The following DGKI variants were observed in gnomAD, a reference collection of about 807,000 sequenced individuals.
DGKI encodes the protein DAG kinase iota.
A neutral mutation model predicts 147.5 loss-of-function variants in DGKI; 55 were observed. The observed-to-expected ratio is 0.37, with a 90% CI of 0.30 to 0.47. DGKI has a LOEUF of 0.47. Ranked by LOEUF, DGKI falls within the 20% of genes least tolerant of loss-of-function variation. DGKI has a pLI of 1.00. For missense variants in DGKI, 1,007 were observed against 1,323.8 expected (o/e 0.76, Z 3.71); for synonymous variants, 469 against 477.1 (o/e 0.98, Z 0.22).
chr7:137,520,207 C>T (rs1268678578), intron 21 of DGKI, among the ~76,000 whole-genome samples: 2 of 151,920 alleles, frequency 1.3e-5, no homozygotes, highest in Non-Finnish European at 2.9e-5. Context: ...CAAATGTGTC[C>T]CCACTCCAAA....
At chr7:137,442,169 G>A (rs1041674425) in intron 28 of DGKI, among the ~76,000 whole-genome samples, 1 of 152,038 alleles carries the variant, frequency 6.6e-6, no homozygotes, top group Non-Finnish European at 1.5e-5. Flanking sequence ...GAAATTTTTT[G>A]AAGCCATGAA....
intron 23 of DGKI, among the ~76,000 whole-genome samples, chr7:137,476,163 TGACTC>T (rs150965910): frequency 0.019 from 2,927 of 152,250 alleles, 92 homozygotes; most frequent in African/African-American, 0.067. Context: ...AGGTAGCTCT[TGACTC>T]TGGCTCTCGT....
intron 20 of DGKI, among the ~76,000 whole-genome samples, chr7:137,539,926 C>T (rs1306897745): frequency 6.6e-6 from 1 of 152,144 alleles, no homozygotes; most frequent in Admixed American, 6.5e-5. Context: ...GCAGACCTCA[C>T]AGACATGAAA....
intron 1 of DGKI, among the ~76,000 whole-genome samples, chr7:137,751,679 A>G (rs1258547388): frequency 6.6e-6 from 1 of 152,226 alleles, no homozygotes; most frequent in Non-Finnish European, 1.5e-5. Context: ...CTGTATCGAA[A>G]GGCCAAATAC....
chr7:137,842,206 TC>T (rs1188065202), intron 1 of DGKI, among the ~76,000 whole-genome samples: 1 of 152,120 alleles, frequency 6.6e-6, no homozygotes, highest in East Asian at 1.9e-4. Flanking sequence ...GGAGAAAAGT[TC>T]CCCCATACAC....
intron 14 of DGKI, among the ~76,000 whole-genome samples, chr7:137,582,961 G>C (rs1002350325): frequency 6.6e-6 from 1 of 152,112 alleles, no homozygotes; most frequent in Admixed American, 6.6e-5. Flanking sequence ...TTCTCTGAGA[G>C]ATAAGTGTTT....
At chr7:137,631,762 T>C (rs1821129099) in intron 6 of DGKI, among the ~76,000 whole-genome samples, 1 of 151,578 alleles carries the variant, frequency 6.6e-6, no homozygotes, top group Admixed American at 6.6e-5. Flanking sequence ...TTAAGTAAAG[T>C]AAAAATGCCT....
At chr7:137,405,998 G>A (rs1811932868) in intron 30 of DGKI, among the ~76,000 whole-genome samples, 2 of 152,158 alleles carry the variant, frequency 1.3e-5, no homozygotes, top group Non-Finnish European at 2.9e-5. Context: ...ATGGGTGGGG[G>A]GGTGTGGAGA....
intron 2 of DGKI, among the ~76,000 whole-genome samples, chr7:137,689,163 C>A (rs1563151402): frequency 6.6e-6 from 1 of 152,190 alleles, no homozygotes; most frequent in Non-Finnish European, 1.5e-5. Flanking sequence ...CAAGGTTCAT[C>A]ATCAGGGAAG....
chr7:137,736,083 T>C (rs1384743962), intron 1 of DGKI, among the ~76,000 whole-genome samples: 1 of 152,006 alleles, frequency 6.6e-6, no homozygotes. Context: ...GTAAACACAG[T>C]GTTTAATTTT....
chr7:137,513,612 A>G (rs1326455562), intron 21 of DGKI, among the ~76,000 whole-genome samples: 1 of 152,200 alleles, frequency 6.6e-6, no homozygotes, highest in Admixed American at 6.5e-5. Context: ...TTGTGTGAAC[A>G]TCATAGAGTG....
intron 23 of DGKI, among the ~76,000 whole-genome samples, chr7:137,472,933 A>C (rs967810840): frequency 6.6e-6 from 1 of 152,160 alleles, no homozygotes; most frequent in Non-Finnish European, 1.5e-5. Context: ...AATGGAAAAA[A>C]TACAGGAATG....
intron 20 of DGKI, among the ~76,000 whole-genome samples, chr7:137,525,249 AC>A (rs1250029826): frequency 7.2e-5 from 11 of 152,188 alleles, no homozygotes; most frequent in Non-Finnish European, 1.2e-4. Flanking sequence ...ACTTTCCTAC[AC>A]TTTTGCTCTC....
chr7:137,811,382 TCTCACACACACA>T (rs1797572349), intron 1 of DGKI, among the ~76,000 whole-genome samples: 4 of 98,562 alleles, frequency 4.1e-5, no homozygotes, highest in African/African-American at 1.6e-4. Flanking sequence ...TCTCTCTCTC[TCTCACACACACA>T]CACACACACA....
intron 5 of DGKI, among the ~76,000 whole-genome samples, chr7:137,647,124 C>T (rs894353904): frequency 1.3e-5 from 2 of 152,144 alleles, no homozygotes; most frequent in African/African-American, 2.4e-5. Flanking sequence ...TAATAGCTAA[C>T]ACTTGTTGAG....
At chr7:137,645,601 C>A in intron 5 of DGKI, 64 bp from the exon 6 acceptor site, 1 of 1,438,742 alleles carries the variant, frequency 7.0e-7, no homozygotes, top group South Asian at 1.3e-5. Context: ...GGGTCTTGCT[C>A]TGTCACCCAC....
chr7:137,572,788 A>G lies in DGKI; in HGVS notation c.1812T>C (p.Cys604=). The change falls in exon 18 of 33, where the codon TGT becomes TGC. Residue 604 remains cysteine (C), a synonymous_variant. Transcript: ENST00000614521. ...ACCTGGGTATATTTAAAAATACTATACACTGGAACTTCAGTTCCTGAATCT... is the reference window on the plus strand; with the variant it reads ...ACCTGGGTATATTTAAAAATACTATGCACTGGAACTTCAGTTCCTGAATCT... ...TPKIQELKFQ[C]IVFLNIPRYC... is the part of the protein sequence containing the mutation. 3.7e-6 allele frequency: 6 copies of G among 1,611,764 alleles called. No individual in the cohort carries two copies. Among genetic ancestry groups the G allele is most frequent in the Non-Finnish European group, 5.1e-6 (6 of 1,179,020 alleles).
chr7:137,472,465 GTTATATATACATATATA>G (rs1188911650), intron 23 of DGKI, among the ~76,000 whole-genome samples: 1 of 134,356 alleles, frequency 7.4e-6, no homozygotes, highest in East Asian at 2.2e-4. Context: ...TATATTATAT[GTTATATATACATATATA>G]TTATATATAC....
At chr7:137,835,980 C>T (rs1379608825) in intron 1 of DGKI, among the ~76,000 whole-genome samples, 5 of 152,114 alleles carry the variant, frequency 3.3e-5, no homozygotes, top group African/African-American at 9.7e-5. Flanking sequence ...GAAAACAATA[C>T]GGGGTTGCCT....
Sources: allele counts gnomAD v4.1 joint callset (sites outside exome capture counted in the v4.1 genomes callset), GRCh38; gene constraint gnomAD v4.1.1; transcripts MANE v1.5; gene names NCBI Gene and HGNC (gene_info 2026-07-23, HGNC 2026-07-21).